The following TPTE variants were observed in gnomAD, a reference collection of about 807,000 sequenced individuals.
The protein encoded by TPTE is putative tyrosine-protein phosphatase TPTE.
In TPTE, 59 loss-of-function variants were observed where a neutral mutation model predicts 84.1. The ratio of observed to expected loss-of-function variants is 0.70; its 90% CI spans 0.57 to 0.87. The LOEUF (loss-of-function observed/expected upper bound fraction) is 0.87. Ranked by LOEUF, TPTE falls within the 40% of genes least tolerant of loss-of-function variation. The probability of loss-of-function intolerance (pLI) is 0.00; values close to 1 mark genes in which losing one functional copy is unlikely to be tolerated. For synonymous variants in TPTE, 130 were observed against 223.5 expected, an observed-to-expected ratio of 0.58 and a Z score of 3.73; for missense variants, 382 against 659.6, an observed-to-expected ratio of 0.58 and a Z score of 4.61.
intron 1 of TPTE, among the ~76,000 whole-genome samples, chr21:10,522,221 T>C (rs1443149174): frequency 1.3e-5 from 2 of 152,296 alleles, no homozygotes; most frequent in Non-Finnish European, 2.9e-5. Flanking sequence ...CCCAGCTGGC[T>C]CCTGCGCTTC....
At chr21:10,523,601 T>C (rs1273820609) in intron 1 of TPTE, among the ~76,000 whole-genome samples, 3 of 152,308 alleles carry the variant, frequency 2.0e-5, no homozygotes, top group Middle Eastern at 3.2e-3. Flanking sequence ...TCCAATTTCA[T>C]CCATGTCCCT....
At chr21:10,569,638 TG>T in intron 12 of TPTE, 44 bp from the exon 13 acceptor site, 1 of 1,614,018 alleles carries the variant, frequency 6.2e-7, no homozygotes, top group Non-Finnish European at 8.5e-7. Flanking sequence ...TTTATTTTTA[TG>T]TTGATGAGTG....
intron 14 of TPTE, among the ~76,000 whole-genome samples, chr21:10,574,005 G>A (rs1172242165): frequency 6.6e-6 from 1 of 152,310 alleles, no homozygotes; most frequent in Non-Finnish European, 1.5e-5. Flanking sequence ...TTGATGGAAG[G>A]AATTATAAAG....
intron 5 of TPTE, 36 bp downstream of exon 5, chr21:10,541,201 A>T: frequency 6.2e-7 from 1 of 1,610,784 alleles, no homozygotes; most frequent in Non-Finnish European, 8.5e-7. Context: ...ACCAGGTGCA[A>T]TGGTTCACAC....
At chr21:10,580,724 A>T (rs1423219800) in intron 17 of TPTE, among the ~76,000 whole-genome samples, 1 of 152,312 alleles carries the variant, frequency 6.6e-6, no homozygotes, top group Non-Finnish European at 1.5e-5. Flanking sequence ...TTTTTGTTCC[A>T]GTAATATTTA....
chr21:10,550,270 C>T (rs565753627), intron 7 of TPTE, among the ~76,000 whole-genome samples: 132 of 152,360 alleles, frequency 8.7e-4, no homozygotes, highest in African/African-American at 3.2e-3. Flanking sequence ...ATTAAATACC[C>T]CATGAAGGAT....
chr21:10,527,999 T>G (rs2074110160), intron 3 of TPTE, among the ~76,000 whole-genome samples: 1 of 152,288 alleles, frequency 6.6e-6, no homozygotes, highest in African/African-American at 2.4e-5. Context: ...CTGCCACACA[T>G]GATGATCAGG....
chr21:10,557,656 C>G (rs527828987), intron 8 of TPTE, among the ~76,000 whole-genome samples: 1 of 152,420 alleles, frequency 6.6e-6, no homozygotes, highest in African/African-American at 2.4e-5. Context: ...GGTGGTGGGT[C>G]CAGGTGGAGA....
At chr21:10,604,748 T>G (rs563828899) in intron 23 of TPTE, among the ~76,000 whole-genome samples, 94 of 152,084 alleles carry the variant, frequency 6.2e-4, no homozygotes, top group African/African-American at 2.1e-3. Context: ...ACCATTTTTT[T>G]TTTCCTTTAA....
chr21:10,601,723 T>C (rs1205380911), intron 21 of TPTE, among the ~76,000 whole-genome samples: 1 of 151,970 alleles, frequency 6.6e-6, no homozygotes, highest in Non-Finnish European at 1.5e-5. Context: ...TATGATGGCA[T>C]GTGCCTATAG....
At chr21:10,559,600 A>G (rs2145671489) in intron 9 of TPTE, 56 bp downstream of exon 9, 1 of 1,611,370 alleles carries the variant, frequency 6.2e-7, no homozygotes, top group African/African-American at 1.3e-5. Context: ...TTGGCTGGGC[A>G]CGGTGGCTCA....
intron 10 of TPTE, among the ~76,000 whole-genome samples, chr21:10,566,376 G>GT (rs2074921313): frequency 1.3e-5 from 2 of 152,310 alleles, no homozygotes; most frequent in African/African-American, 4.8e-5. Context: ...ACAAAGATGT[G>GT]AAGATAAGAG....
intron 14 of TPTE, among the ~76,000 whole-genome samples, chr21:10,572,993 A>C (rs1290615633): frequency 3.3e-5 from 5 of 152,296 alleles, no homozygotes; most frequent in Non-Finnish European, 7.3e-5. Context: ...TATTAATAGT[A>C]ACCTTGAATG....
intron 21 of TPTE, among the ~76,000 whole-genome samples, chr21:10,598,390 A>T (rs2075629404): frequency 6.6e-6 from 1 of 152,312 alleles, no homozygotes; most frequent in African/African-American, 2.4e-5. Flanking sequence ...TAAGGATTTT[A>T]ATTTACATTA....
intron 17 of TPTE, among the ~76,000 whole-genome samples, chr21:10,587,121 G>T (rs201119895): frequency 1.6e-3 from 246 of 151,580 alleles, no homozygotes; most frequent in East Asian, 0.011. Context: ...ATGATAAATT[G>T]CATTAATATA....
Position 10,542,382 on chromosome 21 carries a change from TATC to T in TPTE, c.66-9_66-7del, listed in dbSNP as rs760543342. The stretch of plus-strand genomic sequence containing the variant: ...TGTCTCCTCTCTGACTGTTTTCTCT[TATC>T]ATCCACTAGTCCACAGACAAGTGAA... On this transcript the variant is annotated splice_polypyrimidine_tract_variant and intron_variant, in intron 5 of 23. Coordinates refer to ENST00000618007, the MANE Select transcript of TPTE (RefSeq NM_199261.4). The T allele has an allele frequency of 6.2e-6, 10 of 1,610,384 alleles. No homozygotes were observed. Among genetic ancestry groups the T allele is most frequent in the African/African-American group, 5.3e-5 (4 of 74,862 alleles).
chr21:10,537,065 C>T (rs1279762100), intron 3 of TPTE, among the ~76,000 whole-genome samples: 1 of 152,308 alleles, frequency 6.6e-6, no homozygotes, highest in African/African-American at 2.4e-5. Context: ...TGTGTGAGAG[C>T]AGAGAAGACA....
chr21:10,540,669 G>A, intron 4 of TPTE: 2 of 519,176 alleles, frequency 3.9e-6, no homozygotes, highest in South Asian at 2.8e-5. Flanking sequence ...TCTCACATGG[G>A]ATGGAGCCCT....
At chr21:10,550,390 T>C (rs2074550501) in intron 7 of TPTE, among the ~76,000 whole-genome samples, 1 of 152,300 alleles carries the variant, frequency 6.6e-6, no homozygotes, top group Non-Finnish European at 1.5e-5. Context: ...GATGGAAAAA[T>C]ATATTCTATG....
Sources: allele counts gnomAD v4.1 joint callset (sites outside exome capture counted in the v4.1 genomes callset), GRCh38; gene constraint gnomAD v4.1.1; transcripts MANE v1.5; gene names NCBI Gene and HGNC (gene_info 2026-07-23, HGNC 2026-07-21).